The following OBSL1 variants were observed in gnomAD, a reference collection of about 807,000 sequenced individuals.
The protein encoded by OBSL1 is obscurin-like protein 1.
In OBSL1, 160 loss-of-function variants were observed where a neutral mutation model predicts 172.0. The ratio of observed to expected loss-of-function variants is 0.93; its 90% CI spans 0.82 to 1.06. The LOEUF is 1.06. Ranked by LOEUF, OBSL1 falls within the 50% of genes least tolerant of loss-of-function variation. The pLI, the probability that OBSL1 is intolerant of heterozygous loss-of-function variation, is 0.00. For synonymous variants in OBSL1, 1,200 were observed against 1,196.3 expected, an observed-to-expected ratio of 1.00 and a Z score of -0.06; for missense variants, 2,681 against 2,715.4, an observed-to-expected ratio of 0.99 and a Z score of 0.28.
rs748975251 is a variant in OBSL1 at position 219,553,030 on chromosome 2, G to A, written c.4990-6C>T. On this transcript the variant is annotated splice_region_variant and splice_polypyrimidine_tract_variant and intron_variant, in intron 16 of 20. Coordinates refer to ENST00000404537, the MANE Select transcript of OBSL1 (RefSeq NM_015311.3). ...GGCGTAAGCGCGTTCCCGTCCTAGG[G>A]GCGGGAGTTGCAGAGGGTCGGGGCG... 3.3e-6 allele frequency: 5 copies of A among 1,499,780 alleles called. No homozygotes were observed. The highest frequency in any genetic ancestry group is 2.3e-4 in the Middle Eastern group (1 of 4,292). 92.9% of individuals were successfully genotyped at this position (1,499,780 alleles called of 1,614,324 possible).
intron 8 of OBSL1, among the ~76,000 whole-genome samples, chr2:219,560,979 C>G (rs907143): frequency 0.94 from 142,555 of 152,202 alleles, 67,429 homozygotes; most frequent in East Asian, 1. Flanking sequence ...TGTGAAGAGA[C>G]TGGTGTTTGT....
In OBSL1 at chr2:219,571,521, T is replaced by G; in HGVS notation, c.-289A>C. On this transcript the variant is annotated 5_prime_UTR_variant, in exon 1 of 21. Transcript: ENST00000404537. Reference sequence around the variant, plus strand: ...TGGCCCCGCAGCCTCCCCTGCCCGCTGCCTGGCTTCCTGCTCTTAGGAGCC... The same window carrying G: ...TGGCCCCGCAGCCTCCCCTGCCCGCGGCCTGGCTTCCTGCTCTTAGGAGCC... 4.1e-6 allele frequency: 1 copy of G among 242,588 alleles called. No homozygotes were observed. Among genetic ancestry groups the G allele is most frequent in the Non-Finnish European group, 7.9e-6 (1 of 126,774 alleles). 15.0% of individuals were successfully genotyped at this position (242,588 alleles called of 1,614,324 possible). A position where few individuals can be genotyped will look rare whatever the true frequency, so the allele number is the denominator to read the frequency against.
At position 219,570,206 on chromosome 2, in the gene OBSL1, C is replaced by T. The variant is rs750475742; in HGVS notation, c.1012+15G>A. On this transcript the variant is annotated intron_variant, in intron 1 of 20. Transcript: ENST00000404537. ...ACACTCGAGGCCCCTCCCTAGGTCC[C>T]GGGCTCCGCCGTACCTTTCACGTGC... The T allele has an allele frequency of 5.3e-6, 8 of 1,522,302 alleles. No individual in the cohort carries two copies. Among genetic ancestry groups the T allele is most frequent in the Non-Finnish European group, 6.2e-6 (7 of 1,134,924 alleles). The allele number at this position is 1,522,302 out of a possible 1,614,324, so 94.3% of individuals were successfully genotyped here. A position where few individuals can be genotyped will look rare whatever the true frequency, so the allele number is the denominator to read the frequency against.
In OBSL1 at chr2:219,566,848, C is replaced by G. The variant is rs778210537; in HGVS notation, c.2116G>C (p.Ala706Pro). 5.0e-6 allele frequency: 8 copies of G among 1,588,776 alleles called. No homozygotes were observed. In the African/African-American group the frequency reaches 9.4e-5, roughly 19 times the overall value. ...GFSCPGVQDSAALTIQESPVH... is the reference protein window; with the variant it reads ...GFSCPGVQDSPALTIQESPVH... ...CACCAACCTTGGATTGTGAGGGCAG[C>G]TGAGTCCTGCACGCCGGGGCAGCTG... Residue 706 changes from alanine to proline, a missense_variant, in exon 5 of 21, where the codon GCT becomes CCT. Ala to Pro is a conservative substitution (Grantham distance 27). Transcript: ENST00000404537.
Position 219,552,985 on chromosome 2 carries a change from G to A in OBSL1, c.5029C>T (p.Gln1677Ter), listed in dbSNP as rs1695745531. 1.3e-6 allele frequency: 2 copies of A among 1,528,146 alleles called. No individual in the cohort carries two copies. Among genetic ancestry groups the A allele is most frequent in the African/African-American group, 1.4e-5 (1 of 71,188 alleles). 94.7% of individuals were successfully genotyped at this position (1,528,146 alleles called of 1,614,324 possible). A position where few individuals can be genotyped will look rare whatever the true frequency, so the allele number is the denominator to read the frequency against. ...AGAAGGCGGCGCGTGCCGAGGGCCT[G>A]GAGCCGGAGCCGCGGGCTAGGCGTA... ...ALTPSPRLRL[Q>*]ALGTRRLLQL... The change falls in exon 17 of 21, where the codon CAG becomes TAG. Residue 1677 changes from glutamine (Q) to a stop codon, truncating the protein, a stop_gained. Transcript: ENST00000404537. LOFTEE classifies it high-confidence loss of function.
intron 18 of OBSL1, 127 bp downstream of exon 18, chr2:219,552,409 C>T: frequency 1.0e-6 from 1 of 966,946 alleles, no homozygotes; most frequent in Non-Finnish European, 1.5e-6. Flanking sequence ...AGAACAGGGA[C>T]GAGGCTCACA....
intron 6 of OBSL1, among the ~76,000 whole-genome samples, chr2:219,564,982 G>C (rs904747950): frequency 6.6e-6 from 1 of 152,156 alleles, no homozygotes; most frequent in African/African-American, 2.4e-5. Context: ...TGAGAGAATC[G>C]CTTTAACCCA....
chr2:219,553,164 T>C, intron 16 of OBSL1, 140 bp from the exon 17 acceptor site: 5 of 1,216,490 alleles, frequency 4.1e-6, no homozygotes, highest in Non-Finnish European at 5.5e-6. Context: ...CAGGCTGGGG[T>C]CGGACTGTCC....
chr2:219,550,882 G>C (rs1467066087), intron 20 of OBSL1, 40 bp from the exon 21 acceptor site: 4 of 1,604,540 alleles, frequency 2.5e-6, no homozygotes, highest in Admixed American at 3.4e-5. Flanking sequence ...GGGAGAGAAG[G>C]GGGTACCACC....
intron 20 of OBSL1, 124 bp downstream of exon 20, chr2:219,551,405 C>T: frequency 7.3e-7 from 1 of 1,365,560 alleles, no homozygotes. Flanking sequence ...CCCATCCCCA[C>T]CTCCTACGTA....
At position 219,554,454 on chromosome 2, in the gene OBSL1, T is replaced by C; in HGVS notation, c.4876+20A>G. The C allele has an allele frequency of 6.2e-7, 1 of 1,610,754 alleles. No homozygotes were observed. The highest frequency in any genetic ancestry group is 1.3e-5 in the African/African-American group (1 of 75,006). On this transcript the variant is annotated intron_variant, in intron 15 of 20. Transcript: ENST00000404537. Reference sequence around the variant, plus strand: ...GGGCCACACAGGTCAGCAGGCAGGCTGTGGTCCTGGAGGCCACACCTCTCA... The same window carrying C: ...GGGCCACACAGGTCAGCAGGCAGGCCGTGGTCCTGGAGGCCACACCTCTCA...
rs1696212975 is a variant in OBSL1, at chr2:219,558,517, C to T, written c.3227-58G>A. 50 of 1,483,752 alleles carry T rather than the reference C, an allele frequency of 3.4e-5. 1 individual carries two copies. In the South Asian group the frequency reaches 4.5e-4, roughly 13 times the overall value. 91.9% of individuals were successfully genotyped at this position (1,483,752 alleles called of 1,614,324 possible). A position where few individuals can be genotyped will look rare whatever the true frequency, so the allele number is the denominator to read the frequency against. ...CTTGGCCAGCAGGCCTCTCCTGCCT[C>T]ACCCGCCAGATCCTCAGCCCTCCCC... On this transcript the variant is annotated intron_variant, in intron 9 of 20. Transcript: ENST00000404537.
At chr2:219,547,725 T>C, downstream of OBSL1, 1 of 1,586,394 alleles carries the variant, frequency 6.3e-7, no homozygotes, top group Non-Finnish European at 8.5e-7. Flanking sequence ...GGCCTGCTGC[T>C]CGCAGCTGCT....
chr2:219,547,982 T>C, downstream of OBSL1: 1 of 1,586,310 alleles, frequency 6.3e-7, no homozygotes, highest in South Asian at 1.1e-5. Flanking sequence ...CCCACTCTGC[T>C]GGCGAAGCTG....
Position 219,557,588 on chromosome 2 carries a change from G to T in OBSL1, c.3821C>A (p.Ala1274Glu). ...EPPVRVVAPE[A>E]AQTRVRSTPG... ...GGTGCTCCGAACCCTCGTCTGGGCTGCCTCGGGAGCTACCACCCGCACAGG... is the reference window on the plus strand; with the variant it reads ...GGTGCTCCGAACCCTCGTCTGGGCTTCCTCGGGAGCTACCACCCGCACAGG... Residue 1274 changes from alanine to glutamate, a missense_variant, in exon 12 of 21, where the codon GCA becomes GAA. Transcript: ENST00000404537. 6.5e-7 allele frequency: 1 copy of T among 1,545,846 alleles called. No homozygotes were observed. The highest frequency in any genetic ancestry group is 8.7e-7 in the Non-Finnish European group (1 of 1,143,604).
chr2:219,559,559 C>T lies in OBSL1; in HGVS notation c.2954-62G>A, dbSNP rs561385203. ...CACCGTCAGCCTCTCTGGAGCCATT[C>T]GGCAGCATGAAGTCCCTATCACCCA... is the stretch of plus-strand genomic sequence containing the variant. On this transcript the variant is annotated intron_variant, in intron 8 of 20. Transcript: ENST00000404537. 28 of 1,520,950 alleles carry T rather than the reference C, an allele frequency of 1.8e-5. 1 individual carries two copies. In the East Asian group the frequency reaches 2.3e-4, roughly 12 times the overall value. 94.2% of individuals were successfully genotyped at this position (1,520,950 alleles called of 1,614,324 possible).
chr2:219,558,954 C>T, intron 9 of OBSL1: 1 of 483,550 alleles, frequency 2.1e-6, no homozygotes, highest in South Asian at 4.4e-5. Flanking sequence ...TGCTGTATCC[C>T]CAGCATCTAA....
chr2:219,562,099 G>C lies in OBSL1; in HGVS notation c.2953+303C>G. 4.3e-6 allele frequency: 3 copies of C among 701,484 alleles called. No homozygotes were observed. The South Asian group carries it at 4.5e-5, about 11-fold the overall frequency. The allele number at this position is 701,484 out of a possible 1,614,324, so 43.5% of individuals were successfully genotyped here. On this transcript the variant is annotated intron_variant, in intron 8 of 20. Coordinates refer to ENST00000404537, the MANE Select transcript of OBSL1 (RefSeq NM_015311.3). ...TGGTTAACAGCTGCCTCCTCACCTAGCCTGGCAGCTCATTCAGAATAGGGA... is the reference window on the plus strand; with the variant it reads ...TGGTTAACAGCTGCCTCCTCACCTACCCTGGCAGCTCATTCAGAATAGGGA...
Position 219,553,041 on chromosome 2 carries a change from C to T in OBSL1, c.4990-17G>A. On this transcript the variant is annotated splice_polypyrimidine_tract_variant and intron_variant, in intron 16 of 20. Coordinates refer to ENST00000404537, the MANE Select transcript of OBSL1 (RefSeq NM_015311.3). ...GTTCCCGTCCTAGGGGCGGGAGTTGCAGAGGGTCGGGGCGAGCCCGGCTGG... is the reference window on the plus strand; with the variant it reads ...GTTCCCGTCCTAGGGGCGGGAGTTGTAGAGGGTCGGGGCGAGCCCGGCTGG... 1 of 1,488,538 alleles carries T rather than the reference C, an allele frequency of 6.7e-7. No homozygotes were observed. Among genetic ancestry groups the T allele is most frequent in the Non-Finnish European group, 8.9e-7 (1 of 1,125,702 alleles). 92.2% of individuals were successfully genotyped at this position (1,488,538 alleles called of 1,614,324 possible).
Sources: gnomAD v4.1 joint callset for allele counts (sites outside exome capture counted in the v4.1 genomes callset) on GRCh38, gnomAD v4.1.1 for gene constraint, MANE v1.5 for transcripts, NCBI Gene and HGNC (gene_info 2026-07-23, HGNC 2026-07-21) for gene names.